Variants in ERN2 observed in about 807,000 individuals in gnomAD.
ERN2 encodes the protein serine/threonine-protein kinase/endoribonuclease IRE2.
ERN2 carries 111 observed loss-of-function variants against 107.9 expected under a neutral mutation model. That is an observed-to-expected ratio of 1.03 (90% CI 0.88 to 1.20). The LOEUF is 1.20. Ranked by LOEUF, ERN2 falls within the 50% of genes most tolerant of loss-of-function variation. The probability of loss-of-function intolerance (pLI) is 0.00; values close to 1 mark genes in which losing one functional copy is unlikely to be tolerated. For missense variants in ERN2, 1,225 were observed against 1,197.9 expected, an observed-to-expected ratio of 1.02 and a Z score of -0.33; for synonymous variants, 524 against 501.7, an observed-to-expected ratio of 1.04 and a Z score of -0.59.
chr16:23,705,931 G>A (rs1422452599), intron 7 of ERN2, among the ~76,000 whole-genome samples: 1 of 152,074 alleles, frequency 6.6e-6, no homozygotes, highest in Non-Finnish European at 1.5e-5. Flanking sequence ...ATGGTGGGGA[G>A]TGGTCGGGGT....
chr16:23,702,103 C>T (rs776124824), intron 11 of ERN2, 49 bp downstream of exon 11: 5 of 1,575,542 alleles, frequency 3.2e-6, no homozygotes, highest in Non-Finnish European at 4.3e-6. Flanking sequence ...CTATTCCCCC[C>T]ATCTGCTGGG....
At chr16:23,692,731 T>G (rs1004870830) in intron 17 of ERN2, among the ~76,000 whole-genome samples, 1 of 99,824 alleles carries the variant, frequency 1.0e-5, no homozygotes, top group Non-Finnish European at 2.3e-5. Context: ...CAGAGCTGAT[T>G]TTGTTTTTTT....
At chr16:23,708,003 G>A (rs760674938) in intron 4 of ERN2, among the ~76,000 whole-genome samples, 1 of 152,158 alleles carries the variant, frequency 6.6e-6, no homozygotes, top group South Asian at 2.1e-4. Flanking sequence ...TGCTGGGTTT[G>A]GATAATGGGG....
chr16:23,712,092 A>C, intron 1 of ERN2: 3 of 447,564 alleles, frequency 6.7e-6, no homozygotes, highest in South Asian at 4.7e-5. Context: ...CAAAGGCCAC[A>C]TCCTGCTTCA....
At chr16:23,692,929 GC>G (rs1433336878) in intron 17 of ERN2, among the ~76,000 whole-genome samples, 1 of 151,444 alleles carries the variant, frequency 6.6e-6, no homozygotes, top group Non-Finnish European at 1.5e-5. Flanking sequence ...ATGTTACCCA[GC>G]CCGATCTTGA....
chr16:23,711,827 T>C (rs982637664), intron 1 of ERN2, among the ~76,000 whole-genome samples: 1 of 152,224 alleles, frequency 6.6e-6, no homozygotes, highest in Non-Finnish European at 1.5e-5. Context: ...CTTTTTCCTC[T>C]GCCACAATGT....
Position 23,700,683 on chromosome 16 carries a change from T to G in ERN2, c.1381A>C (p.Lys461Gln), listed in dbSNP as rs138301210. Reference protein sequence around the residue: ...MRQQQPQVVEKQQETPLAPAD... With the variant: ...MRQQQPQVVEQQQETPLAPAD... Reference sequence around the variant, plus strand: ...GGTGCCAGGGGGGTCTCCTGCTGCTTCTCCACCACCTGCGGCTGTTGCTGT... The same window carrying G: ...GGTGCCAGGGGGGTCTCCTGCTGCTGCTCCACCACCTGCGGCTGTTGCTGT... The change falls in exon 13 of 22, where the codon AAG becomes CAG. Residue 461 changes from lysine to glutamine, a missense_variant. Physicochemically the swap from Lys to Gln is moderately conservative, Grantham distance 53. Transcript: ENST00000256797. 4.8e-5 allele frequency: 78 copies of G among 1,613,410 alleles called. No individual in the cohort carries two copies. In the African/African-American group the frequency reaches 9.3e-4, roughly 19 times the overall value.
At chr16:23,691,508 T>G in intron 19 of ERN2, 83 bp from the exon 20 acceptor site, 1 of 1,485,866 alleles carries the variant, frequency 6.7e-7, no homozygotes, top group Non-Finnish European at 9.0e-7. Context: ...AGGAGTAGTT[T>G]AGGGTGACTG....
chr16:23,713,040 C>T (rs1003344428), intron 1 of ERN2, 55 bp downstream of exon 1: 4 of 1,355,442 alleles, frequency 3.0e-6, no homozygotes, highest in African/African-American at 3.0e-5. Context: ...GCGACGCCGC[C>T]CCCTGCGCCC....
At chr16:23,710,813 T>G (rs1960510325) in intron 2 of ERN2, 100 bp downstream of exon 2, 1 of 972,818 alleles carries the variant, frequency 1.0e-6, no homozygotes, top group South Asian at 1.4e-5. Context: ...TACCAGCTTA[T>G]TGGATTCTAG....
At chr16:23,699,804 T>C (rs1959972514) in intron 13 of ERN2, among the ~76,000 whole-genome samples, 1 of 152,154 alleles carries the variant, frequency 6.6e-6, no homozygotes, top group Non-Finnish European at 1.5e-5. Flanking sequence ...TGTACAAAGG[T>C]CGTTTACTAT....
chr16:23,711,274 C>T (rs1229105365), intron 1 of ERN2, among the ~76,000 whole-genome samples: 1 of 152,166 alleles, frequency 6.6e-6, no homozygotes, highest in Non-Finnish European at 1.5e-5. Context: ...TACCTCCTTC[C>T]TCAATTCATT....
At chr16:23,700,771 T>C in intron 12 of ERN2, 67 bp from the exon 13 acceptor site, 1 of 1,538,046 alleles carries the variant, frequency 6.5e-7, no homozygotes, top group Non-Finnish European at 8.8e-7. Flanking sequence ...GCCCAGTATC[T>C]GTGACTGAGA....
Position 23,710,222 on chromosome 16 carries a change from C to T in ERN2, c.256G>A (p.Ala86Thr), listed in dbSNP as rs1183744952. The T allele has an allele frequency of 1.9e-6, 3 of 1,613,868 alleles. No individual in the cohort carries two copies. The African/African-American group carries it at 4.0e-5, about 22-fold the overall frequency. ...CCCAAGATGTACAGGCTGCCATCTG[C>T]TGGGTCAGAGAGAAAGGCCATTCTG... is the stretch of plus-strand genomic sequence containing the variant. ...VTEMAFLSDPADGSLYILGTQ... is the reference protein window; with the variant it reads ...VTEMAFLSDPTDGSLYILGTQ... Residue 86 changes from alanine to threonine, a missense_variant, in exon 4 of 22, where the codon GCA becomes ACA. Physicochemically the swap from Ala to Thr is moderately conservative, Grantham distance 58. Coordinates refer to ENST00000256797, the MANE Select transcript of ERN2 (RefSeq NM_033266.4).
chr16:23,699,164 T>C (rs949529361), intron 13 of ERN2, among the ~76,000 whole-genome samples: 2 of 152,058 alleles, frequency 1.3e-5, no homozygotes, highest in Non-Finnish European at 2.9e-5. Context: ...TGCAGGGCCC[T>C]CTAAAAGAGC....
At chr16:23,691,892 T>C in intron 19 of ERN2, 71 bp downstream of exon 19, 1 of 1,551,088 alleles carries the variant, frequency 6.4e-7, no homozygotes, top group Non-Finnish European at 8.7e-7. Flanking sequence ...GCTAATCTAA[T>C]ATCCCATTTC....
intron 5 of ERN2, 67 bp downstream of exon 5, chr16:23,706,940 C>T (rs927861156): frequency 1.3e-6 from 2 of 1,574,554 alleles, no homozygotes; most frequent in Non-Finnish European, 1.7e-6. Flanking sequence ...GCCTAATTAG[C>T]CGTCACGACT....
At position 23,702,169 on chromosome 16, in the gene ERN2, G is replaced by A. The variant is rs1197282784; in HGVS notation, c.1186C>T (p.Pro396Ser). ...ETRPPENTQA[P>S]AFFLELLSLS... ...GCACTGACCTCCAAGAAGAAGGCTG[G>A]GGCCTGGGTATTCTCTGGAGGTCTT... Residue 396 changes from proline (P) to serine (S), a missense_variant, in exon 11 of 22, where the codon CCA becomes TCA. Transcript: ENST00000256797. 3.1e-6 allele frequency: 5 copies of A among 1,613,820 alleles called. No individual in the cohort carries two copies. The highest frequency in any genetic ancestry group is 2.2e-5 in the South Asian group (2 of 91,060).
At chr16:23,706,457 C>G (rs1960319012) in intron 6 of ERN2, 26 bp from the exon 7 acceptor site, 1 of 1,514,968 alleles carries the variant, frequency 6.6e-7, no homozygotes, top group African/African-American at 1.4e-5. Flanking sequence ...GCAAGATTAC[C>G]AGGAACGTCC....
Sources: gnomAD v4.1 joint callset for allele counts (sites outside exome capture counted in the v4.1 genomes callset) on GRCh38, gnomAD v4.1.1 for gene constraint, MANE v1.5 for transcripts, NCBI Gene and HGNC (gene_info 2026-07-23, HGNC 2026-07-21) for gene names.